DENND11: variants seen among roughly 807,000 people sequenced by gnomAD.
The protein encoded by DENND11 is DENN domain-containing protein 11.
In DENND11, 34 loss-of-function variants were observed where a neutral mutation model predicts 49.2. The observed-to-expected ratio is 0.69, with a 90% CI of 0.53 to 0.92. DENND11 has a LOEUF of 0.92. Ranked by LOEUF, DENND11 falls within the 40% of genes least tolerant of loss-of-function variation. DENND11 has a pLI of 0.00. For synonymous variants in DENND11, 238 were observed against 230.3 expected, an observed-to-expected ratio of 1.03 and a Z score of -0.30; for missense variants, 475 against 581.6, an observed-to-expected ratio of 0.82 and a Z score of 1.88.
intron 1 of DENND11, among the ~76,000 whole-genome samples, chr7:141,690,800 C>T (rs924717284): frequency 5.9e-5 from 9 of 152,228 alleles, no homozygotes; most frequent in Middle Eastern, 3.4e-3. Flanking sequence ...TTAAACAAAG[C>T]TAGACACATT....
chr7:141,689,993 T>C (rs1166576730), intron 1 of DENND11, among the ~76,000 whole-genome samples: 9 of 152,234 alleles, frequency 5.9e-5, no homozygotes, highest in African/African-American at 1.4e-4. Context: ...TCTGCTGAAA[T>C]AGCGTAAAGT....
At chr7:141,673,241 A>G (rs979677048) in intron 4 of DENND11, among the ~76,000 whole-genome samples, 2 of 150,596 alleles carry the variant, frequency 1.3e-5, no homozygotes, top group African/African-American at 5.0e-5. Context: ...GAAAACAAGG[A>G]ATAAAAAAAA....
At position 141,665,063 on chromosome 7, in the gene DENND11, C is replaced by A; in HGVS notation, c.953-9G>T. The A allele has an allele frequency of 6.2e-7, 1 of 1,613,320 alleles. No individual in the cohort carries two copies. The highest frequency in any genetic ancestry group is 1.3e-5 in the African/African-American group (1 of 75,024). On this transcript the variant is annotated splice_polypyrimidine_tract_variant and intron_variant, in intron 6 of 8. Coordinates refer to ENST00000536163, the MANE Select transcript of DENND11 (RefSeq NM_001080392.2). ...TATCTTCTCTGTGGTGCCTGTGGAA[C>A]CCGGGGTTAGAGAGGTGGGAACCCA... is the stretch of plus-strand genomic sequence containing the variant.
intron 1 of DENND11, among the ~76,000 whole-genome samples, chr7:141,694,656 T>A (rs1798384027): frequency 6.6e-6 from 1 of 152,204 alleles, no homozygotes; most frequent in Non-Finnish European, 1.5e-5. Context: ...TATTTATATC[T>A]CCACACACAG....
chr7:141,696,971 T>C (rs1454278927), intron 1 of DENND11, among the ~76,000 whole-genome samples: 1 of 152,228 alleles, frequency 6.6e-6, no homozygotes, highest in Non-Finnish European at 1.5e-5. Flanking sequence ...ATCCTGCTGA[T>C]TTAAAGTCAG....
At chr7:141,666,568 A>C in intron 4 of DENND11, 143 bp from the exon 5 acceptor site, 3 of 801,992 alleles carry the variant, frequency 3.7e-6, no homozygotes, top group Non-Finnish European at 5.4e-6. Context: ...TCCACACACA[A>C]TGATGTTTTT....
At chr7:141,666,191 G>T in intron 5 of DENND11, 96 bp downstream of exon 5, 2 of 1,372,814 alleles carry the variant, frequency 1.5e-6, no homozygotes, top group Non-Finnish European at 9.8e-7. Flanking sequence ...CCTGGATGTG[G>T]CCCAAGCTCT....
rs751273977 is a variant in DENND11 at position 141,665,037 on chromosome 7, A to G, written c.970T>C (p.Phe324Leu). Residue 324 changes from phenylalanine to leucine, a missense_variant, in exon 7 of 9, where the codon TTC (phenylalanine) becomes CTC (leucine). Coordinates refer to ENST00000536163, the MANE Select transcript of DENND11 (RefSeq NM_001080392.2). ...TCATACAGCTCCCGCTTCTCCTCGA[A>G]TATCTTCTCTGTGGTGCCTGTGGAA... ...SYVACTTEKI[F>L]EEKRELYDVY... 4 of 1,613,820 alleles carry G rather than the reference A, an allele frequency of 2.5e-6. No homozygotes were observed. The highest frequency in any genetic ancestry group is 1.6e-4 in the Middle Eastern group (1 of 6,062).
intron 3 of DENND11, among the ~76,000 whole-genome samples, chr7:141,684,241 T>C (rs1798195128): frequency 6.6e-6 from 1 of 152,218 alleles, no homozygotes; most frequent in African/African-American, 2.4e-5. Context: ...CTGATCAATT[T>C]TAATGTTTAT....
chr7:141,672,665 C>G (rs1798001430), intron 4 of DENND11, among the ~76,000 whole-genome samples: 1 of 152,228 alleles, frequency 6.6e-6, no homozygotes, highest in African/African-American at 2.4e-5. Context: ...TTAAGCCATG[C>G]TGGGATTCCT....
chr7:141,677,795 G>A (rs943909061), intron 3 of DENND11, among the ~76,000 whole-genome samples: 1 of 151,446 alleles, frequency 6.6e-6, no homozygotes, highest in African/African-American at 2.4e-5. Flanking sequence ...AAAAAACAAG[G>A]AACACCCTAA....
chr7:141,693,286 G>A (rs1231140608), intron 1 of DENND11, among the ~76,000 whole-genome samples: 1 of 152,156 alleles, frequency 6.6e-6, no homozygotes, highest in East Asian at 1.9e-4. Flanking sequence ...TTACGCAATT[G>A]CAAATTAAAA....
chr7:141,681,997 T>C (rs1242952455), intron 3 of DENND11, among the ~76,000 whole-genome samples: 1 of 152,264 alleles, frequency 6.6e-6, no homozygotes, highest in Non-Finnish European at 1.5e-5. Context: ...ACTGTTGTTA[T>C]GAACTAGTGA....
chr7:141,665,986 A>T (rs1164909025), intron 5 of DENND11, among the ~76,000 whole-genome samples: 1 of 150,398 alleles, frequency 6.6e-6, no homozygotes, highest in Non-Finnish European at 1.5e-5. Flanking sequence ...AACCTCACAC[A>T]CATCAGAACC....
rs887280791 is a variant in DENND11, at chr7:141,662,173, G to A, written c.*483C>T. ...AAGTTGCCCTAATGAACAAGAAAAG[G>A]GATTTGATCCCAAGACTATAGACTC... On this transcript the variant is annotated 3_prime_UTR_variant, in exon 9 of 9. Transcript: ENST00000536163. 6.5e-6 allele frequency: 1 copy of A among 154,402 alleles called. No individual in the cohort carries two copies. The highest frequency in any genetic ancestry group is 2.4e-5 in the African/African-American group (1 of 41,528). The allele number at this position is 154,402 out of a possible 1,614,324, so 9.6% of individuals were successfully genotyped here.
rs758649381 is a variant in DENND11, at chr7:141,665,206, T to C, written c.933A>G (p.Val311=). 6 of 1,613,012 alleles carry C rather than the reference T, an allele frequency of 3.7e-6. No individual in the cohort carries two copies. Among genetic ancestry groups the C allele is most frequent in the South Asian group, 1.1e-5 (1 of 90,824 alleles). The change falls in exon 6 of 9, where the codon GTA becomes GTG. Residue 311 remains valine, a synonymous_variant. Coordinates refer to ENST00000536163, the MANE Select transcript of DENND11 (RefSeq NM_001080392.2). ...ACTCACAGGCCACATAGGACACCTCTACCTCCAGGCTCTCGATGTCAGCCA... is the reference window on the plus strand; with the variant it reads ...ACTCACAGGCCACATAGGACACCTCCACCTCCAGGCTCTCGATGTCAGCCA... ...VNVADIESLE[V]EVSYVACTTE... is the part of the protein sequence containing the mutation.
rs1406576480 is a variant in DENND11, at chr7:141,660,761, C to A, written c.*1895G>T. On this transcript the variant is annotated 3_prime_UTR_variant, in exon 9 of 9. Coordinates refer to ENST00000536163, the MANE Select transcript of DENND11 (RefSeq NM_001080392.2). ...AATAACCATTACTTGACAGAAAGGACCCCTCAACCCTTGAGAGGCAAGAAG... is the reference window on the plus strand; with the variant it reads ...AATAACCATTACTTGACAGAAAGGAACCCTCAACCCTTGAGAGGCAAGAAG... 1 of 152,584 alleles carries A rather than the reference C, an allele frequency of 6.6e-6. No individual in the cohort carries two copies. Among genetic ancestry groups the A allele is most frequent in the African/African-American group, 2.4e-5 (1 of 41,430 alleles). The allele number at this position is 152,584 out of a possible 1,614,324, so 9.5% of individuals were successfully genotyped here. A position where few individuals can be genotyped will look rare whatever the true frequency, so the allele number is the denominator to read the frequency against.
chr7:141,686,254 CG>C (rs1047793387), intron 2 of DENND11, among the ~76,000 whole-genome samples: 2 of 152,148 alleles, frequency 1.3e-5, no homozygotes, highest in Admixed American at 1.3e-4. Flanking sequence ...TTAACTCACA[CG>C]GGGCTGAAAC....
chr7:141,685,202 C>T (rs1240330251), intron 3 of DENND11, among the ~76,000 whole-genome samples: 1 of 151,742 alleles, frequency 6.6e-6, no homozygotes, highest in Admixed American at 6.6e-5. Context: ...AGATCATGTA[C>T]CTGTCAAAAA....
Sources: allele counts gnomAD v4.1 joint callset (sites outside exome capture counted in the v4.1 genomes callset), GRCh38; gene constraint gnomAD v4.1.1; transcripts MANE v1.5; gene names NCBI Gene and HGNC (gene_info 2026-07-23, HGNC 2026-07-21).